Variants in SORCS1 observed in about 807,000 individuals in gnomAD.
SORCS1 encodes VPS10 domain-containing receptor SorCS1.
A neutral mutation model predicts 146.1 loss-of-function variants in SORCS1; 60 were observed. The ratio of observed to expected loss-of-function variants is 0.41; its 90% CI spans 0.33 to 0.51. The LOEUF (loss-of-function observed/expected upper bound fraction) is 0.51. SORCS1 is among the 20% of genes least tolerant of loss of function. The probability of loss-of-function intolerance (pLI) is 0.21; values close to 1 mark genes in which losing one functional copy is unlikely to be tolerated. For synonymous variants in SORCS1, 637 were observed against 584.0 expected, an observed-to-expected ratio of 1.09 and a Z score of -1.31; for missense variants, 1,352 against 1,487.6, an observed-to-expected ratio of 0.91 and a Z score of 1.50.
chr10:106,888,720 G>A (rs1024728129), intron 2 of SORCS1, among the ~76,000 whole-genome samples: 1 of 152,158 alleles, frequency 6.6e-6, no homozygotes, highest in Non-Finnish European at 1.5e-5. Flanking sequence ...CTATTTGCAT[G>A]TCAAAAGATA....
intron 2 of SORCS1, among the ~76,000 whole-genome samples, chr10:106,883,705 G>T (rs572837845): frequency 6.6e-6 from 1 of 152,174 alleles, no homozygotes; most frequent in Admixed American, 6.5e-5. Context: ...GAGCCACCAC[G>T]CCCGGCCTTC....
chr10:106,709,417 G>T, intron 6 of SORCS1, 76 bp from the exon 7 acceptor site: 6 of 756,130 alleles, frequency 7.9e-6, no homozygotes, highest in South Asian at 3.3e-5. Context: ...CAGGGTGGAC[G>T]TTTGATATTT....
rs914028161 is a variant in SORCS1, at chr10:106,575,308, A to G, written c.*2112T>C. ...TCAACCATAAACATCTCTGCCTGAC[A>G]AACTTCTGACAGCAGCTTTGCTATT... On this transcript the variant is annotated 3_prime_UTR_variant, in exon 26 of 26. Coordinates refer to ENST00000263054, the MANE Select transcript of SORCS1 (RefSeq NM_052918.5). 4 of 152,320 alleles carry G rather than the reference A, an allele frequency of 2.6e-5. No homozygotes were observed. The highest frequency in any genetic ancestry group is 7.2e-5 in the African/African-American group (3 of 41,458). The allele number at this position is 152,320 out of a possible 1,614,324, so 9.4% of individuals were successfully genotyped here.
intron 2 of SORCS1, among the ~76,000 whole-genome samples, chr10:106,836,551 G>T (rs1184574773): frequency 2.0e-5 from 3 of 151,486 alleles, no homozygotes; most frequent in Admixed American, 6.6e-5. Context: ...ATACTGCCAT[G>T]CCTCTGTCAA....
At chr10:106,891,333 GAAC>G (rs1218200478) in intron 2 of SORCS1, among the ~76,000 whole-genome samples, 1 of 149,048 alleles carries the variant, frequency 6.7e-6, no homozygotes, top group Non-Finnish European at 1.5e-5. Flanking sequence ...ATTTTTAGAT[GAAC>G]AACAAGTTAG....
intron 1 of SORCS1, among the ~76,000 whole-genome samples, chr10:107,030,594 G>A (rs1312588063): frequency 2.0e-5 from 3 of 152,124 alleles, no homozygotes; most frequent in Non-Finnish European, 4.4e-5. Flanking sequence ...ATTTAACTTG[G>A]TGTTTTCTTT....
intron 10 of SORCS1, among the ~76,000 whole-genome samples, chr10:106,685,975 T>C (rs976184567): frequency 1.3e-5 from 2 of 152,206 alleles, no homozygotes; most frequent in African/African-American, 2.4e-5. Flanking sequence ...CACAAAGGTA[T>C]TTTTCAGGGC....
intron 2 of SORCS1, among the ~76,000 whole-genome samples, chr10:106,852,895 C>T (rs1949647304): frequency 6.6e-6 from 1 of 152,088 alleles, no homozygotes; most frequent in Non-Finnish European, 1.5e-5. Flanking sequence ...GGTTTTGCAT[C>T]TTTGTTCATG....
In SORCS1 at chr10:107,075,866, T is replaced by C. The variant is rs141628578; in HGVS notation, c.558+88103A>G. On this transcript the variant is annotated intron_variant, in intron 1 of 25. Transcript: ENST00000263054. Reference sequence around the variant, plus strand: ...TCTTTAATCTCTCTACACTTTCCATTTTCAGGCAACGATTTTCTTAGGGAG... The same window carrying C: ...TCTTTAATCTCTCTACACTTTCCATCTTCAGGCAACGATTTTCTTAGGGAG... 3.5e-3 allele frequency among the ~76,000 whole-genome samples: 533 copies of C among 152,174 alleles called. 3 individuals are homozygous for C. Among genetic ancestry groups the C allele is most frequent in the African/African-American group, 0.012 (513 of 41,544 alleles).
chr10:106,624,341 T>C (rs1489567323), intron 19 of SORCS1, among the ~76,000 whole-genome samples: 3 of 140,318 alleles, frequency 2.1e-5, no homozygotes, highest in Non-Finnish European at 4.5e-5. Context: ...TTTTGGTCAA[T>C]GACGATTTTT....
Position 106,776,663 on chromosome 10 carries a change from C to T in SORCS1, c.756G>A (p.Glu252=), listed in dbSNP as rs1353932248. 2.5e-6 allele frequency: 4 copies of T among 1,613,830 alleles called. No homozygotes were observed. Among genetic ancestry groups the T allele is most frequent in the Admixed American group, 3.3e-5 (2 of 60,014 alleles). The change falls in exon 4 of 26, where the codon GAG becomes GAA. Residue 252 remains glutamate (E), a synonymous_variant. Coordinates refer to ENST00000263054, the MANE Select transcript of SORCS1 (RefSeq NM_052918.5). The part of the protein sequence containing the change: ...KIMLLTDPEI[E]SSLLISSDEG... ...CATCTGAGCTGATCAATAAACTGCT[C>T]TCAATCTCCGGGTCTGTGAGTAACA...
chr10:107,108,762 G>T (rs1052525578), intron 1 of SORCS1, among the ~76,000 whole-genome samples: 7 of 151,988 alleles, frequency 4.6e-5, no homozygotes, highest in African/African-American at 1.4e-4. Flanking sequence ...AAAACCCAAA[G>T]TCTTATCTGA....
In SORCS1 at chr10:107,028,032, A is replaced by C. The variant is rs1275121797; in HGVS notation, c.559-71452T>G. The stretch of plus-strand genomic sequence containing the variant: ...GAATGAGATAATGGTTATTTTATCA[A>C]AGAAAGAAAACAGAAGTTGGTGTTA... On this transcript the variant is annotated intron_variant, in intron 1 of 25. Transcript: ENST00000263054. 5.9e-5 allele frequency among the ~76,000 whole-genome samples: 9 copies of C among 152,222 alleles called. No homozygotes were observed. The East Asian group carries it at 1.3e-3, about 23-fold the overall frequency.
chr10:106,775,379 T>A (rs1476014092), intron 4 of SORCS1, among the ~76,000 whole-genome samples: 1 of 151,462 alleles, frequency 6.6e-6, no homozygotes. Flanking sequence ...GAAAAAAAAA[T>A]GAATTGTAAA....
chr10:107,135,136 A>G (rs1455758507), intron 1 of SORCS1, among the ~76,000 whole-genome samples: 1 of 152,244 alleles, frequency 6.6e-6, no homozygotes, highest in Admixed American at 6.5e-5. Context: ...ATGGGTAATT[A>G]TTCGTTATGG....
At chr10:106,852,707 A>C (rs1949640294) in intron 2 of SORCS1, among the ~76,000 whole-genome samples, 1 of 151,866 alleles carries the variant, frequency 6.6e-6, no homozygotes, top group Admixed American at 6.6e-5. Flanking sequence ...TTTACCATGA[A>C]TTGGTATTAA....
In SORCS1 at chr10:107,108,006, C is replaced by T. The variant is rs116713364; in HGVS notation, c.558+55963G>A. On this transcript the variant is annotated intron_variant, in intron 1 of 25. Transcript: ENST00000263054. The stretch of plus-strand genomic sequence containing the variant: ...GAGAGGAGGCCTTCTCATCCACGAA[C>T]GCAGAGGGAGAAATGCCTGCCTGAG... Among the ~76,000 whole-genome samples, 1,298 of 152,244 alleles carry T rather than the reference C, an allele frequency of 8.5e-3. 17 individuals are homozygous for T. Among genetic ancestry groups the T allele is most frequent in the African/African-American group, 0.03 (1,243 of 41,540 alleles).
chr10:107,176,484 C>T, the SORCS1 span, among the ~76,000 whole-genome samples: 68,683 of 151,370 alleles, frequency 0.45, 16,745 homozygotes, highest in Middle Eastern at 0.67. Flanking sequence ...TACATACGGG[C>T]ACTACTACGC....
At chr10:107,046,780 A>G (rs117848593) in intron 1 of SORCS1, among the ~76,000 whole-genome samples, 3 of 152,310 alleles carry the variant, frequency 2.0e-5, no homozygotes, top group South Asian at 2.1e-4. Flanking sequence ...GAAAAATGCA[A>G]TCTTGAATTA....
Sources: gnomAD v4.1 joint callset for allele counts (sites outside exome capture counted in the v4.1 genomes callset) on GRCh38, gnomAD v4.1.1 for gene constraint, MANE v1.5 for transcripts, NCBI Gene and HGNC (gene_info 2026-07-23, HGNC 2026-07-21) for gene names.